The following COL13A1 variants were observed in gnomAD, a reference collection of about 807,000 sequenced individuals.
The protein encoded by COL13A1 is collagen alpha-1(XIII) chain.
Under a neutral mutation model 130.9 loss-of-function variants are expected in COL13A1, and 89 were observed. The ratio of observed to expected loss-of-function variants is 0.68; its 90% confidence interval spans 0.57 to 0.81. The LOEUF is 0.81. Among genes scored for constraint, COL13A1 ranks in the 30% least tolerant of loss-of-function variants. The probability of loss-of-function intolerance (pLI) is 0.00; values close to 1 mark genes in which losing one functional copy is unlikely to be tolerated. For synonymous variants in COL13A1, 402 were observed against 341.6 expected (o/e 1.18, Z -1.95); for missense variants, 879 against 934.6 (o/e 0.94, Z 0.78).
intron 13 of COL13A1, among the ~76,000 whole-genome samples, chr10:69,898,301 C>T (rs1333646643): frequency 1.3e-5 from 2 of 152,224 alleles, no homozygotes; most frequent in Non-Finnish European, 2.9e-5. Flanking sequence ...GGCAGTGCAA[C>T]GTTGGGCTGT....
At chr10:69,813,328 C>T (rs7088469) in intron 1 of COL13A1, among the ~76,000 whole-genome samples, 39,559 of 152,096 alleles carry the variant, frequency 0.26, 5,424 homozygotes, top group African/African-American at 0.32. Context: ...TGACTCCTTG[C>T]GGCAGTAGCA....
intron 2 of COL13A1, among the ~76,000 whole-genome samples, chr10:69,822,687 T>G (rs1290839188): frequency 6.6e-6 from 1 of 152,186 alleles, no homozygotes; most frequent in Non-Finnish European, 1.5e-5. Flanking sequence ...TGAACCAGGT[T>G]GTGGTGAAGT....
At position 69,937,745 on chromosome 10, in the gene COL13A1, G is replaced by A. The variant is rs778822174; in HGVS notation, c.1878+30G>A. The stretch of plus-strand genomic sequence containing the variant: ...GTACCTTGGACCCAGCAAGACTGGT[G>A]GGTTTGATGGGCCAGGGGTGTGGGC... On this transcript the variant is annotated intron_variant, in intron 34 of 40. Transcript: ENST00000645393. 4 of 1,004,852 alleles carry A rather than the reference G, an allele frequency of 4.0e-6. No homozygotes were observed. The Admixed American group carries it at 5.1e-5, about 13-fold the overall frequency. The allele number at this position is 1,004,852 out of a possible 1,614,324, so 62.2% of individuals were successfully genotyped here.
At chr10:69,957,634 C>G (rs1424093259) in intron 40 of COL13A1, among the ~76,000 whole-genome samples, 1 of 152,260 alleles carries the variant, frequency 6.6e-6, no homozygotes, top group African/African-American at 2.4e-5. Flanking sequence ...ATTGTTAGAG[C>G]AGTCTGACAT....
intron 5 of COL13A1, among the ~76,000 whole-genome samples, chr10:69,876,978 C>T (rs1217939290): frequency 1.3e-5 from 2 of 152,182 alleles, no homozygotes; most frequent in Non-Finnish European, 2.9e-5. Context: ...GACACCTCCT[C>T]CCAGGAAGTG....
intron 34 of COL13A1, among the ~76,000 whole-genome samples, chr10:69,938,358 C>T (rs1400202108): frequency 1.3e-5 from 2 of 152,100 alleles, no homozygotes; most frequent in East Asian, 1.9e-4. Flanking sequence ...CACCTGTGTA[C>T]AGGTGAGCGC....
At chr10:69,842,209 C>A (rs760381207) in intron 2 of COL13A1, among the ~76,000 whole-genome samples, 58 of 152,278 alleles carry the variant, frequency 3.8e-4, no homozygotes, top group Non-Finnish European at 7.9e-4. Context: ...AGATCTGAAG[C>A]TTTCATAAGG....
rs141978749 is a variant in COL13A1, at chr10:69,947,964, C to T, written c.2058+622C>T. Among the ~76,000 whole-genome samples the T allele has an allele frequency of 6.6e-4, 100 of 152,278 alleles. 2 individuals carry two copies. In the East Asian group the frequency reaches 0.017, roughly 26 times the overall value. On this transcript the variant is annotated intron_variant, in intron 38 of 40. Coordinates refer to ENST00000645393, the MANE Select transcript of COL13A1 (RefSeq NM_001368882.1). ...ACAGCCACATAACAGGGGGTGGCAC[C>T]GACCACAGCCTTCAGCATTTGGGCC...
intron 23 of COL13A1, 39 bp from the exon 24 acceptor site, chr10:69,923,763 C>A (rs192910293): frequency 6.3e-7 from 1 of 1,595,126 alleles, no homozygotes; most frequent in East Asian, 2.3e-5. Flanking sequence ...TGTCCAGGTG[C>A]CCAGCATGCC....
chr10:69,858,991 A>T (rs573751660), intron 2 of COL13A1, among the ~76,000 whole-genome samples: 254 of 152,180 alleles, frequency 1.7e-3, no homozygotes, highest in African/African-American at 5.9e-3. Context: ...GGGCAGTTAG[A>T]TGATGCATGT....
intron 2 of COL13A1, among the ~76,000 whole-genome samples, chr10:69,850,501 AATGCAGGGG>A (rs1854460600): frequency 6.7e-6 from 1 of 150,320 alleles, no homozygotes; most frequent in Non-Finnish European, 1.5e-5. Context: ...GCACATGTCT[AATGCAGGGG>A]CCTTCCAGCG....
intron 6 of COL13A1, among the ~76,000 whole-genome samples, chr10:69,879,207 G>T (rs1190561225): frequency 2.0e-5 from 3 of 152,140 alleles, no homozygotes. Flanking sequence ...TCCAAGGCTG[G>T]GGCTCCTAGC....
At position 69,894,754 on chromosome 10, in the gene COL13A1, G is replaced by A. The variant is rs1040979823; in HGVS notation, c.657+53G>A. 7.5e-6 allele frequency: 12 copies of A among 1,609,976 alleles called. No homozygotes were observed. In the African/African-American group the frequency reaches 1.5e-4, roughly 20 times the overall value. ...CTCCATCTCAGGAAATGGCCTCCCA[G>A]TTGGTAGAAAGGGGTCAATTATGGT... On this transcript the variant is annotated intron_variant, in intron 12 of 40. Transcript: ENST00000645393.
chr10:69,876,662 G>C (rs186759987), intron 5 of COL13A1, among the ~76,000 whole-genome samples: 1 of 152,216 alleles, frequency 6.6e-6, no homozygotes, highest in Non-Finnish European at 1.5e-5. Context: ...GCAGGGAAAC[G>C]TGATTCAACC....
At chr10:69,832,259 G>T (rs1305873519) in intron 2 of COL13A1, among the ~76,000 whole-genome samples, 1 of 152,242 alleles carries the variant, frequency 6.6e-6, no homozygotes, top group Non-Finnish European at 1.5e-5. Flanking sequence ...CTAAGGCACT[G>T]CAAGAGATGG....
At position 69,921,781 on chromosome 10, in the gene COL13A1, G is replaced by A. The variant is rs573614579; in HGVS notation, c.1090-101G>A. 97 of 1,469,374 alleles carry A rather than the reference G, an allele frequency of 6.6e-5. No homozygotes were observed. The Middle Eastern group carries it at 1.0e-3, about 16-fold the overall frequency. 91.0% of individuals were successfully genotyped at this position (1,469,374 alleles called of 1,614,324 possible). A position where few individuals can be genotyped will look rare whatever the true frequency, so the allele number is the denominator to read the frequency against. On this transcript the variant is annotated intron_variant, in intron 21 of 40. Coordinates refer to ENST00000645393, the MANE Select transcript of COL13A1 (RefSeq NM_001368882.1). ...AGCTGGGGGCAGGGGCACCGAGGCA[G>A]GAGCAAGGGAAGGCAAGGCCCTAAG...
chr10:69,868,119 CAAAAAAAA>C (rs55856106), intron 3 of COL13A1, among the ~76,000 whole-genome samples: 3 of 126,972 alleles, frequency 2.4e-5, no homozygotes, highest in Non-Finnish European at 3.3e-5. Flanking sequence ...CTATTGGAGT[CAAAAAAAA>C]AAAAAAAAAA....
At chr10:69,824,077 A>G (rs367762528) in intron 2 of COL13A1, 15 of 471,926 alleles carry the variant, frequency 3.2e-5, no homozygotes, top group African/African-American at 3.0e-4. Context: ...TTTGAATTCC[A>G]TCTCCAACAT....
intron 36 of COL13A1, among the ~76,000 whole-genome samples, chr10:69,944,572 T>A (rs1279378568): frequency 6.6e-6 from 1 of 151,104 alleles, no homozygotes; most frequent in Non-Finnish European, 1.5e-5. Context: ...GGCAGGAGGA[T>A]CAGTTGAGCC....
Sources: gnomAD v4.1 joint callset for allele counts (sites outside exome capture counted in the v4.1 genomes callset) on GRCh38, gnomAD v4.1.1 for gene constraint, MANE v1.5 for transcripts, NCBI Gene and HGNC (gene_info 2026-07-23, HGNC 2026-07-21) for gene names.